CEP41: variants seen among roughly 807,000 people sequenced by gnomAD.
The protein encoded by CEP41 is centrosomal protein of 41 kDa.
In CEP41, 32 loss-of-function variants were observed where a neutral mutation model predicts 44.3. That is an observed-to-expected ratio of 0.72 (90% CI 0.54 to 0.97). The LOEUF is 0.97. CEP41 is among the 50% of genes least tolerant of loss of function. The probability of loss-of-function intolerance (pLI) is 0.00; values close to 1 mark genes in which losing one functional copy is unlikely to be tolerated. For missense variants in CEP41, 432 were observed against 455.2 expected (o/e 0.95, Z 0.46); for synonymous variants, 151 against 168.5 (o/e 0.90, Z 0.80).
At chr7:130,421,285 T>C in intron 2 of CEP41, 1 of 985,426 alleles carries the variant, frequency 1.0e-6, no homozygotes, top group African/African-American at 1.7e-5. Context: ...GTAGATGAGA[T>C]TTATAAGGCA....
intron 3 of CEP41, among the ~76,000 whole-genome samples, chr7:130,412,496 C>T (rs1554420045): frequency 6.6e-6 from 1 of 152,150 alleles, no homozygotes; most frequent in Non-Finnish European, 1.5e-5. Flanking sequence ...TACCCCTTGC[C>T]TTTATTTTAT....
intron 8 of CEP41, 199 bp from the exon 9 acceptor site, chr7:130,401,020 G>A (rs1796828866): frequency 5.2e-6 from 3 of 577,216 alleles, no homozygotes; most frequent in Non-Finnish European, 9.4e-6. Context: ...CGTTTCTTTT[G>A]CAAACTGATG....
Position 130,394,840 on chromosome 7 carries a change from A to C in CEP41, c.*4051T>G. On this transcript the variant is annotated 3_prime_UTR_variant, in exon 11 of 11. Coordinates refer to ENST00000223208, the MANE Select transcript of CEP41 (RefSeq NM_018718.3). ...GGGAGCTTATAGTCAAAATAATTGC[A>C]ACAGGAAGACATATTGATATCCTTT... 6.6e-6 allele frequency: 3 copies of C among 454,136 alleles called. No individual in the cohort carries two copies. Among genetic ancestry groups the C allele is most frequent in the Non-Finnish European group, 1.3e-5 (3 of 226,796 alleles). The allele number at this position is 454,136 out of a possible 1,614,324, so 28.1% of individuals were successfully genotyped here.
chr7:130,432,250 G>A (rs994966003), intron 1 of CEP41, among the ~76,000 whole-genome samples: 10 of 152,160 alleles, frequency 6.6e-5, no homozygotes, highest in Non-Finnish European at 2.9e-5. Context: ...TAGTCTTAAG[G>A]AAGTAAGGAA....
At chr7:130,437,788 AGAAAAAG>A (rs1336399554) in intron 1 of CEP41, among the ~76,000 whole-genome samples, 3,984 of 130,338 alleles carry the variant, frequency 0.031, 354 homozygotes, top group Middle Eastern at 0.037. Context: ...AAAAAAAAAA[AGAAAAAG>A]AAAAAAAAAG....
chr7:130,431,636 A>G (rs1554425084), intron 1 of CEP41, among the ~76,000 whole-genome samples: 1 of 152,210 alleles, frequency 6.6e-6, no homozygotes, highest in African/African-American at 2.4e-5. Context: ...TGAGGAGGTT[A>G]GTCAAGCTAA....
chr7:130,431,305 A>C (rs1327774980), intron 1 of CEP41, among the ~76,000 whole-genome samples: 5 of 152,224 alleles, frequency 3.3e-5, no homozygotes, highest in Admixed American at 2.6e-4. Flanking sequence ...CTGAAAAAAG[A>C]AGCTGTTTTC....
intron 1 of CEP41, among the ~76,000 whole-genome samples, chr7:130,436,873 C>T (rs1224705112): frequency 6.6e-6 from 1 of 151,982 alleles, no homozygotes; most frequent in East Asian, 1.9e-4. Context: ...CCCGTCTCTA[C>T]TAAAAATACA....
intron 6 of CEP41, among the ~76,000 whole-genome samples, chr7:130,403,194 A>G (rs1161219148): frequency 1.3e-5 from 2 of 152,230 alleles, no homozygotes; most frequent in Non-Finnish European, 2.9e-5. Context: ...AGGAAAAAGG[A>G]AAGACATTTC....
At chr7:130,440,604 G>T (rs1414095814) in intron 1 of CEP41, 1 of 525,098 alleles carries the variant, frequency 1.9e-6, no homozygotes, top group Non-Finnish European at 3.5e-6. Flanking sequence ...AGTGTGCAGC[G>T]CTTCCTTTGT....
chr7:130,407,039 T>C (rs1797033222), intron 5 of CEP41, among the ~76,000 whole-genome samples: 1 of 151,858 alleles, frequency 6.6e-6, no homozygotes, highest in Non-Finnish European at 1.5e-5. Flanking sequence ...GTAAATAACC[T>C]ATAAAAATGT....
intron 1 of CEP41, among the ~76,000 whole-genome samples, chr7:130,436,395 G>C (rs1476801032): frequency 6.6e-6 from 1 of 152,178 alleles, no homozygotes. Context: ...AGGATGATGA[G>C]AGGGAAGAAA....
chr7:130,433,975 A>T (rs1562997805), intron 1 of CEP41, among the ~76,000 whole-genome samples: 1 of 152,190 alleles, frequency 6.6e-6, no homozygotes, highest in Admixed American at 6.5e-5. Flanking sequence ...TTGTTCATCC[A>T]CTGGGGGTGA....
intron 2 of CEP41, 40 bp from the exon 3 acceptor site, chr7:130,417,006 G>T: frequency 6.9e-7 from 1 of 1,444,350 alleles, no homozygotes; most frequent in South Asian, 1.1e-5. Flanking sequence ...ACTTTAAATG[G>T]AAGCAAATGA....
In CEP41 at chr7:130,402,703, G is replaced by A. The variant is rs782327070; in HGVS notation, c.519C>T (p.Phe173=). 1 of 1,614,148 alleles carries A rather than the reference G, an allele frequency of 6.2e-7. No individual in the cohort carries two copies. Among genetic ancestry groups the A allele is most frequent in the African/African-American group, 1.3e-5 (1 of 75,042 alleles). The part of the protein sequence containing the change: ...TKDKPYPDCP[F]LLLDVRDRDS... ...CTCTATCACGCACATCTAGCAGCAGGAAGGGGCAGTCAGGATAAGGTTTGT... is the reference window on the plus strand; with the variant it reads ...CTCTATCACGCACATCTAGCAGCAGAAAGGGGCAGTCAGGATAAGGTTTGT... The change falls in exon 7 of 11, where the codon TTC becomes TTT. Residue 173 remains phenylalanine, a synonymous_variant. Transcript: ENST00000223208.
In CEP41 at chr7:130,426,836, T is replaced by C. The variant is rs1429875794; in HGVS notation, c.97+1119A>G. The C allele has an allele frequency of 2.5e-5, 7 of 282,716 alleles. 1 individual carries two copies. Among genetic ancestry groups the C allele is most frequent in the South Asian group, 1.8e-4 (6 of 32,856 alleles). The allele number at this position is 282,716 out of a possible 1,614,324, so 17.5% of individuals were successfully genotyped here. A position where few individuals can be genotyped will look rare whatever the true frequency, so the allele number is the denominator to read the frequency against. ...CATCCTGTATATAATCCTAGTTCTC[T>C]CTCCTTTATTGAACTCCGAATAAAT... On this transcript the variant is annotated intron_variant, in intron 2 of 10. Transcript: ENST00000223208.
chr7:130,437,098 G>C (rs1797989469), intron 1 of CEP41, among the ~76,000 whole-genome samples: 1 of 151,898 alleles, frequency 6.6e-6, no homozygotes, highest in Admixed American at 6.6e-5. Flanking sequence ...TAAAATGAAG[G>C]ATTGGAAGAT....
At chr7:130,408,069 C>T (rs1036370831) in intron 5 of CEP41, among the ~76,000 whole-genome samples, 1 of 152,052 alleles carries the variant, frequency 6.6e-6, no homozygotes, top group African/African-American at 2.4e-5. Context: ...TTTCCCCCAC[C>T]GAAGACATGC....
intron 1 of CEP41, among the ~76,000 whole-genome samples, chr7:130,434,751 T>C (rs1400636684): frequency 2.0e-5 from 3 of 152,242 alleles, no homozygotes; most frequent in African/African-American, 7.2e-5. Flanking sequence ...ATGTCTGTTT[T>C]ATATGAAAAA....
Sources: gnomAD v4.1 joint callset for allele counts (sites outside exome capture counted in the v4.1 genomes callset) on GRCh38, gnomAD v4.1.1 for gene constraint, MANE v1.5 for transcripts, NCBI Gene and HGNC (gene_info 2026-07-23, HGNC 2026-07-21) for gene names.